The following TMEM26 variants were observed in gnomAD, a reference collection of about 807,000 sequenced individuals.
The protein encoded by TMEM26 is transmembrane protein 26.
TMEM26 carries 38 observed loss-of-function variants against 28.8 expected under a neutral mutation model. The ratio of observed to expected loss-of-function variants is 1.32; its 90% confidence interval spans 1.02 to 1.73. The LOEUF is 1.73. Ranked by LOEUF, TMEM26 falls within the 40% of genes most tolerant of loss-of-function variation. The pLI, the probability that TMEM26 is intolerant of heterozygous loss-of-function variation, is 0.00. For missense variants in TMEM26, 518 were observed against 447.1 expected, an observed-to-expected ratio of 1.16 and a Z score of -1.43; for synonymous variants, 227 against 182.9, an observed-to-expected ratio of 1.24 and a Z score of -1.95.
intron 1 of TMEM26, among the ~76,000 whole-genome samples, chr10:61,446,181 T>C (rs1246879434): frequency 1.3e-5 from 2 of 152,198 alleles, no homozygotes; most frequent in East Asian, 3.9e-4. Context: ...GAAGGAAATA[T>C]GACTTCTTCT....
chr10:61,413,821 T>C (rs1349751762), intron 4 of TMEM26: 1 of 1,050,514 alleles, frequency 9.5e-7, no homozygotes. Context: ...GGAAACATTA[T>C]GGGAGAAAAA....
chr10:61,435,479 G>A (rs746957611), intron 2 of TMEM26, among the ~76,000 whole-genome samples: 3 of 152,210 alleles, frequency 2.0e-5, no homozygotes, highest in East Asian at 3.9e-4. Context: ...ACGCCTGGCC[G>A]GAAGCTACTA....
At chr10:61,412,077 G>T (rs1030571324) in intron 5 of TMEM26, among the ~76,000 whole-genome samples, 7 of 152,180 alleles carry the variant, frequency 4.6e-5, no homozygotes, top group African/African-American at 1.7e-4. Flanking sequence ...AGAAACCAAG[G>T]TTATATCAAT....
At position 61,431,166 on chromosome 10, in the gene TMEM26, T is replaced by C. The variant is rs542208013; in HGVS notation, c.384+53A>G. The C allele has an allele frequency of 2.3e-5, 33 of 1,439,060 alleles. No individual in the cohort carries two copies. In the South Asian group the frequency reaches 3.2e-4, roughly 14 times the overall value. 89.1% of individuals were successfully genotyped at this position (1,439,060 alleles called of 1,614,324 possible). A position where few individuals can be genotyped will look rare whatever the true frequency, so the allele number is the denominator to read the frequency against. On this transcript the variant is annotated intron_variant, in intron 3 of 5. Transcript: ENST00000399298. ...ATGTATAGCAGGTAATTGAGGATTA[T>C]ACCAAGTCCACCATTTTCTAGATCC...
chr10:61,446,636 T>C (rs990488557), intron 1 of TMEM26, among the ~76,000 whole-genome samples: 1 of 151,472 alleles, frequency 6.6e-6, no homozygotes, highest in Non-Finnish European at 1.5e-5. Context: ...CTGGCCAACA[T>C]GGTGAAATCC....
At chr10:61,452,755 T>G in intron 1 of TMEM26, 136 bp downstream of exon 1, 1 of 1,167,656 alleles carries the variant, frequency 8.6e-7, no homozygotes, top group East Asian at 2.4e-5. Context: ...ATCTCGCGCC[T>G]TCCAAGCGAT....
At chr10:61,416,139 T>G (rs957315393) in intron 4 of TMEM26, 1 of 446,634 alleles carries the variant, frequency 2.2e-6, no homozygotes, top group Non-Finnish European at 4.5e-6. Flanking sequence ...GAAAAAGTTG[T>G]TGAGGATATT....
chr10:61,436,776 C>T (rs1369258833), intron 1 of TMEM26, among the ~76,000 whole-genome samples: 1 of 152,112 alleles, frequency 6.6e-6, no homozygotes, highest in Non-Finnish European at 1.5e-5. Context: ...GTGTGGTTTG[C>T]TAAACCTATA....
intron 4 of TMEM26, among the ~76,000 whole-genome samples, chr10:61,422,410 G>A (rs942770755): frequency 5.3e-5 from 8 of 151,918 alleles, no homozygotes; most frequent in African/African-American, 1.7e-4. Context: ...AGACCACAAA[G>A]TAAGTCTCCA....
chr10:61,445,352 A>G (rs35645193), intron 1 of TMEM26, among the ~76,000 whole-genome samples: 1 of 152,206 alleles, frequency 6.6e-6, no homozygotes, highest in Admixed American at 6.5e-5. Flanking sequence ...CACTACAGGA[A>G]CAACCCCACC....
At chr10:61,427,049 A>T (rs1016666134) in intron 4 of TMEM26, among the ~76,000 whole-genome samples, 3 of 152,086 alleles carry the variant, frequency 2.0e-5, no homozygotes, top group African/African-American at 7.2e-5. Flanking sequence ...CTACTGTCAC[A>T]ATGTGGTAAT....
At position 61,408,179 on chromosome 10, in the gene TMEM26, A is replaced by T. The variant is rs1201042832; in HGVS notation, c.*2143T>A. ...AGATTTTCCTGGAAAACCTTGCAGAAGCTGGGTCTATTTTTGCCGCTATTA... is the reference window on the plus strand; with the variant it reads ...AGATTTTCCTGGAAAACCTTGCAGATGCTGGGTCTATTTTTGCCGCTATTA... On this transcript the variant is annotated 3_prime_UTR_variant, in exon 6 of 6. Coordinates refer to ENST00000399298, the MANE Select transcript of TMEM26 (RefSeq NM_178505.8). The T allele has an allele frequency of 6.6e-6, 1 of 152,172 alleles. No homozygotes were observed. The highest frequency in any genetic ancestry group is 1.5e-5 in the Non-Finnish European group (1 of 68,030). 9.4% of individuals were successfully genotyped at this position (152,172 alleles called of 1,614,324 possible). A position where few individuals can be genotyped will look rare whatever the true frequency, so the allele number is the denominator to read the frequency against.
intron 2 of TMEM26, among the ~76,000 whole-genome samples, chr10:61,433,419 T>TA (rs1253164675): frequency 1.3e-5 from 2 of 151,944 alleles, no homozygotes; most frequent in Admixed American, 6.6e-5. Context: ...TGCCTTTTTT[T>TA]AAAAAAAGGC....
intron 3 of TMEM26, 114 bp downstream of exon 3, chr10:61,431,105 G>T: frequency 1.3e-6 from 1 of 793,696 alleles, no homozygotes; most frequent in Non-Finnish European, 2.1e-6. Context: ...GCCAAACAAT[G>T]GATAACTTTC....
At chr10:61,429,752 A>C (rs1024214588) in intron 3 of TMEM26, among the ~76,000 whole-genome samples, 1 of 152,084 alleles carries the variant, frequency 6.6e-6, no homozygotes, top group Non-Finnish European at 1.5e-5. Flanking sequence ...ATAAGCCAGC[A>C]AGCAAATTTT....
At chr10:61,439,694 T>C (rs1327727694) in intron 1 of TMEM26, among the ~76,000 whole-genome samples, 1 of 152,182 alleles carries the variant, frequency 6.6e-6, no homozygotes, top group Non-Finnish European at 1.5e-5. Context: ...ATCTGTAAAA[T>C]GGGGAAAATA....
At chr10:61,436,398 G>A in intron 1 of TMEM26, 150 bp from the exon 2 acceptor site, 3 of 511,950 alleles carry the variant, frequency 5.9e-6, no homozygotes, top group South Asian at 3.1e-5. Context: ...TTATTTCAAT[G>A]AAGAAAAAAG....
chr10:61,413,703 A>G, intron 4 of TMEM26, 168 bp from the exon 5 acceptor site: 3 of 1,307,554 alleles, frequency 2.3e-6, no homozygotes, highest in Admixed American at 3.6e-5. Context: ...ATAATGGAAT[A>G]ATGAAGAAGT....
At chr10:61,432,714 G>T (rs541147400) in intron 2 of TMEM26, among the ~76,000 whole-genome samples, 1 of 151,994 alleles carries the variant, frequency 6.6e-6, no homozygotes, top group South Asian at 2.1e-4. Context: ...ATACATCGTC[G>T]ACTATTCTAT....
Sources: gnomAD v4.1 joint callset for allele counts (sites outside exome capture counted in the v4.1 genomes callset) on GRCh38, gnomAD v4.1.1 for gene constraint, MANE v1.5 for transcripts, NCBI Gene and HGNC (gene_info 2026-07-23, HGNC 2026-07-21) for gene names.